The following MEGF10 variants were observed in gnomAD, a reference collection of about 807,000 sequenced individuals.
The protein encoded by MEGF10 is multiple epidermal growth factor-like domains protein 10.
In MEGF10, 86 loss-of-function variants were observed where a neutral mutation model predicts 147.5. That is an observed-to-expected ratio of 0.58 (90% CI 0.49 to 0.70). The LOEUF (loss-of-function observed/expected upper bound fraction) is 0.70. Ranked by LOEUF, MEGF10 falls within the 30% of genes least tolerant of loss-of-function variation. MEGF10 has a pLI of 0.00. For synonymous variants in MEGF10, 478 were observed against 525.5 expected (o/e 0.91, Z 1.24); for missense variants, 1,329 against 1,487.3 (o/e 0.89, Z 1.75).
chr5:127,316,640 A>G (rs1760557930), intron 1 of MEGF10, among the ~76,000 whole-genome samples: 1 of 152,182 alleles, frequency 6.6e-6, no homozygotes, highest in African/African-American at 2.4e-5. Context: ...TAATGATTTC[A>G]GGGTTCCAGA....
rs190561985 is a variant in MEGF10, at chr5:127,355,389, T to C, written c.320-14521T>C. Among the ~76,000 whole-genome samples the C allele has an allele frequency of 1.6e-4, 25 of 152,302 alleles. No individual in the cohort carries two copies. In the East Asian group the frequency reaches 4.4e-3, roughly 27 times the overall value. ...AGAGATAAAAGTGAGACAATCCTGT[T>C]AAGCTAGTCAAAGAGAGCCTGACTG... On this transcript the variant is annotated intron_variant, in intron 4 of 24. Transcript: ENST00000503335.
the MEGF10 span, among the ~76,000 whole-genome samples, chr5:127,280,450 T>C: frequency 6.6e-6 from 1 of 152,200 alleles, no homozygotes; most frequent in Non-Finnish European, 1.5e-5. Flanking sequence ...TGTTCACTTG[T>C]CTTGGTTTCA....
At chr5:127,300,104 T>A (rs1759704081) in intron 1 of MEGF10, 2 of 152,388 alleles carry the variant, frequency 1.3e-5, no homozygotes, top group African/African-American at 4.8e-5. Flanking sequence ...TACAGTTTGT[T>A]TCTTCTTTAC....
intron 12 of MEGF10, among the ~76,000 whole-genome samples, chr5:127,421,501 G>GA (rs1279293062): frequency 7.9e-5 from 12 of 152,116 alleles, no homozygotes; most frequent in Non-Finnish European, 1.8e-4. Flanking sequence ...CATTTCCCAG[G>GA]ATCTGTGGTG....
intron 2 of MEGF10, among the ~76,000 whole-genome samples, chr5:127,335,871 T>C (rs1761451174): frequency 6.6e-6 from 1 of 151,492 alleles, no homozygotes; most frequent in Admixed American, 6.6e-5. Flanking sequence ...GTTTTCCAAA[T>C]TCCATAGTGT....
At chr5:127,417,835 G>A (rs746303084) in intron 10 of MEGF10, 23 bp downstream of exon 10, 7 of 1,610,202 alleles carry the variant, frequency 4.3e-6, no homozygotes, top group Non-Finnish European at 5.9e-6. Flanking sequence ...GGCTCTGGAG[G>A]AAGGAGAAGA....
chr5:127,403,432 G>T (rs1446527640), intron 8 of MEGF10, among the ~76,000 whole-genome samples: 2 of 152,106 alleles, frequency 1.3e-5, no homozygotes, highest in Non-Finnish European at 2.9e-5. Context: ...TATCCTTTGA[G>T]TTACAAGCAA....
the MEGF10 span, among the ~76,000 whole-genome samples, chr5:127,254,796 G>C: frequency 6.6e-6 from 1 of 150,504 alleles, no homozygotes; most frequent in Non-Finnish European, 1.5e-5. Flanking sequence ...GGGTGACAAA[G>C]TGAGACTCCA....
Position 127,396,739 on chromosome 5 carries a change from C to T in MEGF10, c.620C>T (p.Thr207Met), listed in dbSNP as rs574427804. The T allele has an allele frequency of 1.1e-5, 18 of 1,614,018 alleles. No homozygotes were observed. Among genetic ancestry groups the T allele is most frequent in the Middle Eastern group, 3.3e-4 (2 of 6,062 alleles). The change falls in exon 6 of 25, where the codon ACG (threonine) becomes ATG (methionine). Residue 207 changes from threonine (T) to methionine (M), a missense_variant. Around this residue, in one of 3 missense-constraint regions of MEGF10, gnomAD observed 980 missense variants for 1,085.9 expected, o/e 0.90. Coordinates refer to ENST00000503335, the MANE Select transcript of MEGF10 (RefSeq NM_001256545.2). ...CQNGATCDHV[T>M]GECRCPPGYT... ...AATGGAGCCACCTGCGACCACGTCACGGGGGAATGCCGCTGCCCACCAGGA... is the reference window on the plus strand; with the variant it reads ...AATGGAGCCACCTGCGACCACGTCATGGGGGAATGCCGCTGCCCACCAGGA...
chr5:127,391,102 G>GCGCGCGCA (rs1426600414), intron 5 of MEGF10, among the ~76,000 whole-genome samples: 13 of 53,890 alleles, frequency 2.4e-4, no homozygotes, highest in Admixed American at 9.1e-4. Context: ...GCGCGCGCGC[G>GCGCGCGCA]CACACACACA....
chr5:127,405,307 T>C (rs1406163468), intron 8 of MEGF10, among the ~76,000 whole-genome samples: 1 of 152,198 alleles, frequency 6.6e-6, no homozygotes, highest in East Asian at 1.9e-4. Context: ...TTTAATAAGA[T>C]ACTGTCATGT....
chr5:127,436,189 C>T (rs1329528685), intron 16 of MEGF10, among the ~76,000 whole-genome samples: 1 of 152,076 alleles, frequency 6.6e-6, no homozygotes, highest in Admixed American at 6.6e-5. Context: ...TATTGAATTC[C>T]CCCATCATGC....
chr5:127,249,977 C>T, the MEGF10 span, among the ~76,000 whole-genome samples: 1 of 152,070 alleles, frequency 6.6e-6, no homozygotes, highest in African/African-American at 2.4e-5. Context: ...GTGATAACAG[C>T]GTTGATTCAT....
chr5:127,432,633 T>G (rs1765420899), intron 13 of MEGF10, among the ~76,000 whole-genome samples: 1 of 152,214 alleles, frequency 6.6e-6, no homozygotes, highest in South Asian at 2.1e-4. Flanking sequence ...CTGGTTTTAG[T>G]TTTATTTTTG....
At chr5:127,246,985 A>T in the MEGF10 span, among the ~76,000 whole-genome samples, 8 of 104,166 alleles carry the variant, frequency 7.7e-5, no homozygotes, top group Admixed American at 2.3e-4. Context: ...GTATAAAAAG[A>T]ATATATATAT....
At chr5:127,453,847 C>T (rs1429247648) in intron 22 of MEGF10, among the ~76,000 whole-genome samples, 1 of 152,180 alleles carries the variant, frequency 6.6e-6, no homozygotes, top group Non-Finnish European at 1.5e-5. Context: ...ATACAACATG[C>T]TTGTGACCTG....
chr5:127,321,134 G>A (rs1258864755), intron 1 of MEGF10, among the ~76,000 whole-genome samples: 1 of 152,206 alleles, frequency 6.6e-6, no homozygotes, highest in Non-Finnish European at 1.5e-5. Context: ...TAAGAGAACT[G>A]AGTTCTGGGT....
intron 2 of MEGF10, among the ~76,000 whole-genome samples, chr5:127,338,816 A>T (rs922776335): frequency 3.7e-4 from 57 of 152,128 alleles, no homozygotes; most frequent in African/African-American, 1.3e-3. Flanking sequence ...GGAGGGAATT[A>T]AATGCAGAAA....
intron 1 of MEGF10, among the ~76,000 whole-genome samples, chr5:127,325,479 C>T (rs144100183): frequency 1.9e-3 from 291 of 152,114 alleles, no homozygotes; most frequent in African/African-American, 6.6e-3. Flanking sequence ...CAGGGTCTTC[C>T]CCAAATTATC....
Sources: allele counts gnomAD v4.1 joint callset (sites outside exome capture counted in the v4.1 genomes callset), GRCh38; gene constraint gnomAD v4.1.1; regional missense constraint gnomAD v4.1.1; transcripts MANE v1.5; gene names NCBI Gene and HGNC (gene_info 2026-07-23, HGNC 2026-07-21).